Variants in DEFB116 observed in about 807,000 individuals in gnomAD.
DEFB116 encodes beta-defensin 116.
A neutral mutation model predicts 2.8 loss-of-function variants in DEFB116; 5 were observed. The observed-to-expected ratio is 1.80, with a 90% confidence interval of 0.94 to 3.79. The LOEUF (loss-of-function observed/expected upper bound fraction) is 3.79, where lower values mean the gene tolerates loss of function less well. DEFB116 is among the 30% of genes most tolerant of loss of function. The probability of loss-of-function intolerance (pLI) is 0.00; values close to 1 mark genes in which losing one functional copy is unlikely to be tolerated. For synonymous variants in DEFB116, 56 were observed against 40.8 expected, an observed-to-expected ratio of 1.37 and a Z score of -1.42; for missense variants, 170 against 118.0, an observed-to-expected ratio of 1.44 and a Z score of -2.04.
chr20:31,308,471 C>A lies in DEFB116; in HGVS notation c.67+48G>T, dbSNP rs540450843. On this transcript the variant is annotated intron_variant, in intron 1 of 1. Coordinates refer to ENST00000400549, the MANE Select transcript of DEFB116 (RefSeq NM_001037731.1). ...GTCACTGCAGAGGTCACCAAGATAC[C>A]AGTACCACATGCAAGACGCCAGAAC... The A allele has an allele frequency of 2.5e-6, 4 of 1,594,012 alleles. No individual in the cohort carries two copies. The South Asian group carries it at 3.3e-5, about 13-fold the overall frequency.
chr20:31,307,400 A>G (rs2122451633), intron 1 of DEFB116, among the ~76,000 whole-genome samples: 2 of 152,248 alleles, frequency 1.3e-5, no homozygotes, highest in East Asian at 3.9e-4. Context: ...ATCTTACACC[A>G]TACACAAAAA....
At chr20:31,308,172 A>C (rs1424984424) in intron 1 of DEFB116, among the ~76,000 whole-genome samples, 1 of 151,682 alleles carries the variant, frequency 6.6e-6, no homozygotes, top group Non-Finnish European at 1.5e-5. Context: ...TCCCTACCCA[A>C]CTCCAAACTG....
chr20:31,308,127 C>T (rs1296720894), intron 1 of DEFB116, among the ~76,000 whole-genome samples: 1 of 152,022 alleles, frequency 6.6e-6, no homozygotes, highest in African/African-American at 2.4e-5. Context: ...GGATATTACC[C>T]TATCTCTAAG....
Position 31,308,405 on chromosome 20 carries a change from C to G in DEFB116, c.67+114G>C, listed in dbSNP as rs1412290707. On this transcript the variant is annotated intron_variant, in intron 1 of 1. Coordinates refer to ENST00000400549, the MANE Select transcript of DEFB116 (RefSeq NM_001037731.1). ...ATAACATCTGTGACCCACCTGAGAC[C>G]AGAAAAGGCTTTAGGTGTTGCCCAC... is the stretch of plus-strand genomic sequence containing the variant. 1.9e-5 allele frequency: 19 copies of G among 987,374 alleles called. No homozygotes were observed. The South Asian group carries it at 2.3e-4, about 12-fold the overall frequency. 61.2% of individuals were successfully genotyped at this position (987,374 alleles called of 1,614,324 possible). A position where few individuals can be genotyped will look rare whatever the true frequency, so the allele number is the denominator to read the frequency against.
chr20:31,306,297 T>TA (rs900193163), intron 1 of DEFB116, among the ~76,000 whole-genome samples: 3 of 152,182 alleles, frequency 2.0e-5, no homozygotes, highest in African/African-American at 7.2e-5. Context: ...TGTGTAGATT[T>TA]AAAAGACAAA....
chr20:31,305,488 A>T (rs1192380889), intron 1 of DEFB116, among the ~76,000 whole-genome samples: 1 of 152,154 alleles, frequency 6.6e-6, no homozygotes, highest in African/African-American at 2.4e-5. Context: ...AATTTTTTAA[A>T]TAAAAATAAA....
chr20:31,303,529 C>T (rs369409836), intron 1 of DEFB116, 76 bp from the exon 2 acceptor site: 111 of 1,553,122 alleles, frequency 7.1e-5, no homozygotes, highest in Admixed American at 7.8e-5. Context: ...TAAAGGAACA[C>T]GCCCTAAGAC....
chr20:31,307,991 C>T (rs1265069568), intron 1 of DEFB116, among the ~76,000 whole-genome samples: 2 of 152,086 alleles, frequency 1.3e-5, no homozygotes, highest in African/African-American at 4.8e-5. Context: ...CTCCCAGTTG[C>T]ACCAACTCTA....
At chr20:31,306,786 T>C (rs904829319) in intron 1 of DEFB116, among the ~76,000 whole-genome samples, 1 of 152,086 alleles carries the variant, frequency 6.6e-6, no homozygotes, top group Non-Finnish European at 1.5e-5. Flanking sequence ...CTTGGTTTTC[T>C]ATAGGGTGGG....
At chr20:31,303,546 G>C in intron 1 of DEFB116, 93 bp from the exon 2 acceptor site, 1 of 1,510,100 alleles carries the variant, frequency 6.6e-7, no homozygotes, top group Non-Finnish European at 8.9e-7. Flanking sequence ...AGACTATTAA[G>C]GGCACAAGAT....
At chr20:31,305,158 G>A (rs1048598948) in intron 1 of DEFB116, among the ~76,000 whole-genome samples, 1 of 152,040 alleles carries the variant, frequency 6.6e-6, no homozygotes, top group Non-Finnish European at 1.5e-5. Context: ...ATATCACTGT[G>A]TTTCCCACCT....
chr20:31,306,655 A>T (rs900142405), intron 1 of DEFB116, among the ~76,000 whole-genome samples: 2 of 152,152 alleles, frequency 1.3e-5, no homozygotes, highest in African/African-American at 4.8e-5. Flanking sequence ...AATGTGAAAT[A>T]GAAGGAATAT....
In DEFB116 at chr20:31,303,301, T is replaced by G; in HGVS notation, c.220A>C (p.Lys74Gln). ...DQKCCLKLSV[K>Q]ITSSKNVKED... ...TTCACATTTTTAGAACTGGTTATTTTCACAGAAAGTTTCAGGCAGCACTTT... is the reference window on the plus strand; with the variant it reads ...TTCACATTTTTAGAACTGGTTATTTGCACAGAAAGTTTCAGGCAGCACTTT... The change falls in exon 2 of 2, where the codon AAA becomes CAA. Residue 74 changes from lysine (K) to glutamine (Q), a missense_variant. Lys to Gln is a moderately conservative substitution (Grantham distance 53). Transcript: ENST00000400549. 1 of 1,613,624 alleles carries G rather than the reference T, an allele frequency of 6.2e-7. No homozygotes were observed. The highest frequency in any genetic ancestry group is 1.1e-5 in the South Asian group (1 of 91,084).
At chr20:31,308,360 A>G (rs1182556626) in intron 1 of DEFB116, among the ~76,000 whole-genome samples, 159 bp downstream of exon 1, 1 of 152,156 alleles carries the variant, frequency 6.6e-6, no homozygotes, top group African/African-American at 2.4e-5. Flanking sequence ...GGAGATCTTT[A>G]CATGAAATTA....
At chr20:31,306,780 GT>G (rs1984999679) in intron 1 of DEFB116, among the ~76,000 whole-genome samples, 1 of 152,034 alleles carries the variant, frequency 6.6e-6, no homozygotes, top group South Asian at 2.1e-4. Flanking sequence ...AACAATCTTG[GT>G]TTTCTATAGG....
chr20:31,304,142 C>A (rs1021284033), intron 1 of DEFB116, among the ~76,000 whole-genome samples: 2 of 152,084 alleles, frequency 1.3e-5, no homozygotes, highest in African/African-American at 2.4e-5. Context: ...ACTGTACAAA[C>A]CTTCACCATG....
At chr20:31,306,641 T>A (rs1984995954) in intron 1 of DEFB116, among the ~76,000 whole-genome samples, 2 of 151,400 alleles carry the variant, frequency 1.3e-5, no homozygotes, top group Admixed American at 6.6e-5. Context: ...TAAGGAGGCA[T>A]GAGAATGTGA....
At position 31,308,556 on chromosome 20, in the gene DEFB116, G is replaced by T; in HGVS notation, c.30C>A (p.Thr10=). Residue 10 remains threonine (T), a synonymous_variant, in exon 1 of 2, where the codon ACC becomes ACA. Transcript: ENST00000400549. MSVMKPCLM[T]IAILMILAQK... ...GAGCCAGGATCATAAGGATGGCAATGGTCATTAAACAGGGCTTCATGACTG... is the reference window on the plus strand; with the variant it reads ...GAGCCAGGATCATAAGGATGGCAATTGTCATTAAACAGGGCTTCATGACTG... 6.2e-7 allele frequency: 1 copy of T among 1,613,522 alleles called. No individual in the cohort carries two copies. Among genetic ancestry groups the T allele is most frequent in the East Asian group, 2.2e-5 (1 of 44,880 alleles).
At chr20:31,303,540 T>C in intron 1 of DEFB116, 87 bp from the exon 2 acceptor site, 2 of 1,510,982 alleles carry the variant, frequency 1.3e-6, no homozygotes, top group Admixed American at 2.1e-5. Flanking sequence ...GCCCTAAGAC[T>C]ATTAAGGGCA....
Sources: gnomAD v4.1 joint callset for allele counts (sites outside exome capture counted in the v4.1 genomes callset) on GRCh38, gnomAD v4.1.1 for gene constraint, MANE v1.5 for transcripts, NCBI Gene and HGNC (gene_info 2026-07-23, HGNC 2026-07-21) for gene names.